Variants in NRG3 observed in about 807,000 individuals in gnomAD.
The protein encoded by NRG3 is pro-neuregulin-3, membrane-bound isoform.
In NRG3, 31 loss-of-function variants were observed where a neutral mutation model predicts 66.9. The observed-to-expected ratio is 0.46, with a 90% CI of 0.35 to 0.63. The LOEUF (loss-of-function observed/expected upper bound fraction) is 0.63, where lower values mean the gene tolerates loss of function less well. Ranked by LOEUF, NRG3 falls within the 20% of genes least tolerant of loss-of-function variation. The probability of loss-of-function intolerance (pLI) is 0.00; values close to 1 mark genes in which losing one functional copy is unlikely to be tolerated. For synonymous variants in NRG3, 393 were observed against 359.4 expected (o/e 1.09, Z -1.06); for missense variants, 910 against 878.9 (o/e 1.04, Z -0.45).
chr10:81,957,298 T>G (rs867765412), intron 1 of NRG3, among the ~76,000 whole-genome samples: 3 of 152,140 alleles, frequency 2.0e-5, no homozygotes, highest in Non-Finnish European at 4.4e-5. Flanking sequence ...TCATTCATTA[T>G]AGTACCTGGT....
At chr10:82,077,735 C>G (rs1017847945) in intron 1 of NRG3, among the ~76,000 whole-genome samples, 4 of 152,118 alleles carry the variant, frequency 2.6e-5, no homozygotes, top group Non-Finnish European at 2.9e-5. Context: ...GGCTGTGTTG[C>G]CAACATAACT....
chr10:82,292,265 G>T (rs1364040803), intron 1 of NRG3, among the ~76,000 whole-genome samples: 1 of 151,640 alleles, frequency 6.6e-6, no homozygotes, highest in Admixed American at 6.6e-5. Context: ...AACCACAATT[G>T]ATATCAATAT....
At chr10:82,208,813 C>T (rs2075259059) in intron 1 of NRG3, among the ~76,000 whole-genome samples, 1 of 152,102 alleles carries the variant, frequency 6.6e-6, no homozygotes, top group African/African-American at 2.4e-5. Context: ...TACCATGGCT[C>T]ATTAGCAAGC....
At chr10:82,860,868 A>G (rs570010491) in intron 3 of NRG3, among the ~76,000 whole-genome samples, 8 of 152,200 alleles carry the variant, frequency 5.3e-5, no homozygotes, top group Non-Finnish European at 1.2e-4. Flanking sequence ...CTATTAATTA[A>G]TTAATCTTCA....
In NRG3 at chr10:81,875,413, ACCGCGGCGG is replaced by A; in HGVS notation, c.75_83del (p.Ala32_Ala34del). 3 of 1,035,642 alleles carry A rather than the reference ACCGCGGCGG, an allele frequency of 2.9e-6. 1 individual carries two copies. The highest frequency in any genetic ancestry group is 3.5e-6 in the Non-Finnish European group (3 of 866,086). The allele number at this position is 1,035,642 out of a possible 1,614,324, so 64.2% of individuals were successfully genotyped here. Reference sequence around the variant, plus strand: ...AGCCGCCGCCTCGGCCGAGGAGGGCACCGCGGCGGCTGCGGCGGCGGCAGCGGCGGGCGG... The same window carrying A: ...AGCCGCCGCCTCGGCCGAGGAGGGCACTGCGGCGGCGGCAGCGGCGGGCGG... On this transcript the variant is annotated inframe_deletion, in exon 1 of 9. Coordinates refer to ENST00000372141, the MANE Select transcript of NRG3 (RefSeq NM_001010848.4). The surrounding 1 kb of genome is among the most constrained non-coding windows in gnomAD (Gnocchi z 5.3).
At chr10:81,944,216 C>T (rs1260519184) in intron 1 of NRG3, among the ~76,000 whole-genome samples, 1 of 152,174 alleles carries the variant, frequency 6.6e-6, no homozygotes, top group Non-Finnish European at 1.5e-5. Context: ...CAAGGGCAAG[C>T]GTCAGAAGAG....
intron 1 of NRG3, among the ~76,000 whole-genome samples, chr10:82,132,115 C>T (rs531207307): frequency 1.3e-5 from 2 of 152,006 alleles, no homozygotes; most frequent in Non-Finnish European, 2.9e-5. Context: ...CTTGTACCAG[C>T]TCTTAGAGGT....
At chr10:81,999,599 G>A (rs2061084578) in intron 1 of NRG3, among the ~76,000 whole-genome samples, 1 of 152,080 alleles carries the variant, frequency 6.6e-6, no homozygotes, top group African/African-American at 2.4e-5. Flanking sequence ...GTTTCTTTGG[G>A]AGTCGTAACA....
chr10:82,881,988 G>C lies in NRG3; in HGVS notation c.1054+16551G>C, dbSNP rs141999433. Among the ~76,000 whole-genome samples the C allele has an allele frequency of 2.1e-3, 321 of 152,212 alleles. 3 individuals are homozygous for C. Among genetic ancestry groups the C allele is most frequent in the African/African-American group, 7.4e-3 (309 of 41,516 alleles). The stretch of plus-strand genomic sequence containing the variant: ...CAGTGCCAAATACTATAGAATTTTA[G>C]TTGCATCTTGCCACACCACCTGGCT... On this transcript the variant is annotated intron_variant, in intron 4 of 8. Coordinates refer to ENST00000372141, the MANE Select transcript of NRG3 (RefSeq NM_001010848.4).
chr10:82,150,528 C>CAAAAAGAAAAAAAAAAAAAAAAAAAA (rs1264827514), intron 1 of NRG3, among the ~76,000 whole-genome samples: 1 of 51,738 alleles, frequency 1.9e-5, no homozygotes, highest in Non-Finnish European at 3.6e-5. Flanking sequence ...AAAGAGCACA[C>CAAAAAGAAAAAAAAAAAAAAAAAAAA]ACAAAAAAAA....
At chr10:82,084,129 G>A (rs1478729255) in intron 1 of NRG3, among the ~76,000 whole-genome samples, 1 of 152,004 alleles carries the variant, frequency 6.6e-6, no homozygotes, top group Non-Finnish European at 1.5e-5. Flanking sequence ...TCAGGAGGCT[G>A]AGGCAGGAGA....
chr10:82,962,352 A>G (rs531429042), intron 6 of NRG3, among the ~76,000 whole-genome samples: 122 of 152,340 alleles, frequency 8.0e-4, no homozygotes, highest in Middle Eastern at 6.8e-3. Flanking sequence ...AGTCATCAAA[A>G]GAGATCATCC....
At position 82,925,461 on chromosome 10, in the gene NRG3, G is replaced by A. The variant is rs115665480; in HGVS notation, c.1055-26008G>A. 4.7e-3 allele frequency among the ~76,000 whole-genome samples: 721 copies of A among 152,328 alleles called. 9 individuals are homozygous for A. The highest frequency in any genetic ancestry group is 0.016 in the African/African-American group (681 of 41,580). On this transcript the variant is annotated intron_variant, in intron 4 of 8. Transcript: ENST00000372141. ...CTAAATGACTTTGCACCTATAAAGA[G>A]CTTTGTATTTTAAGTGCTCCATAAA...
intron 1 of NRG3, among the ~76,000 whole-genome samples, chr10:82,257,572 C>G (rs2077798605): frequency 6.6e-6 from 1 of 152,076 alleles, no homozygotes; most frequent in Admixed American, 6.6e-5. Context: ...GAGTTCCAGA[C>G]CAGCCTGGCC....
At chr10:82,968,141 G>A (rs1246883776) in intron 6 of NRG3, among the ~76,000 whole-genome samples, 1 of 152,128 alleles carries the variant, frequency 6.6e-6, no homozygotes, top group Non-Finnish European at 1.5e-5. Flanking sequence ...CAGGAATAGC[G>A]ACTTCCAAAC....
chr10:82,533,774 C>A (rs1462067330), intron 2 of NRG3, among the ~76,000 whole-genome samples: 4 of 152,020 alleles, frequency 2.6e-5, no homozygotes, highest in Non-Finnish European at 5.9e-5. Flanking sequence ...TGAAAGGCAT[C>A]CAAACAGGAA....
chr10:82,734,087 A>G (rs2058045660), intron 2 of NRG3, among the ~76,000 whole-genome samples: 1 of 152,210 alleles, frequency 6.6e-6, no homozygotes, highest in Non-Finnish European at 1.5e-5. Context: ...TTACCACACC[A>G]GGCAAAACAA....
At chr10:82,453,582 G>A (rs1366267474) in intron 2 of NRG3, among the ~76,000 whole-genome samples, 17 of 151,738 alleles carry the variant, frequency 1.1e-4, no homozygotes, top group Admixed American at 1.1e-3. Context: ...TTTATGTAGA[G>A]AGAAACCAAT....
chr10:82,977,470 A>G lies in NRG3; in HGVS notation c.1413-1480A>G, dbSNP rs189156339. ...CTAAAAATACAAAAATTAGCCTGCC[A>G]TTGTGGGGGGCACCTGTAGTCCCAG... On this transcript the variant is annotated intron_variant, in intron 7 of 8. Coordinates refer to ENST00000372141, the MANE Select transcript of NRG3 (RefSeq NM_001010848.4). Among the ~76,000 whole-genome samples, 287 of 152,050 alleles carry G rather than the reference A, an allele frequency of 1.9e-3. 2 individuals carry two copies. Among genetic ancestry groups the G allele is most frequent in the African/African-American group, 6.8e-3 (282 of 41,482 alleles).
Sources: allele counts gnomAD v4.1 joint callset (sites outside exome capture counted in the v4.1 genomes callset), GRCh38; gene constraint gnomAD v4.1.1; non-coding constraint Gnocchi (gnomAD v3.1); transcripts MANE v1.5; gene names NCBI Gene and HGNC (gene_info 2026-07-23, HGNC 2026-07-21).